RSBN1: variants seen among roughly 807,000 people sequenced by gnomAD.
RSBN1 encodes round spermatid basic protein 1.
RSBN1 carries 23 observed loss-of-function variants against 74.8 expected under a neutral mutation model. The observed-to-expected ratio is 0.31, with a 90% CI of 0.22 to 0.44. The LOEUF is 0.44. Ranked by LOEUF, RSBN1 falls within the 20% of genes least tolerant of loss-of-function variation. The pLI is 1.00. For synonymous variants in RSBN1, 407 were observed against 379.6 expected (o/e 1.07, Z -0.84); for missense variants, 808 against 1,020.9 (o/e 0.79, Z 2.84).
intron 2 of RSBN1, among the ~76,000 whole-genome samples, chr1:113,796,546 G>A (rs1470192513): frequency 6.6e-6 from 1 of 151,850 alleles, no homozygotes; most frequent in Non-Finnish European, 1.5e-5. Context: ...CAAATTACTA[G>A]ACAACCTGAA....
rs1659744546 is a variant in RSBN1, at chr1:113,764,594, CATA to C, written c.*1383_*1385del. 6.9e-6 allele frequency: 1 copy of C among 145,292 alleles called. No homozygotes were observed. Among genetic ancestry groups the C allele is most frequent in the Non-Finnish European group, 1.5e-5 (1 of 66,852 alleles). The allele number at this position is 145,292 out of a possible 1,614,324, so 9.0% of individuals were successfully genotyped here. On this transcript the variant is annotated 3_prime_UTR_variant, in exon 7 of 7. Transcript: ENST00000261441. ...GCAGCTAAGTTTTCATGGTGACAGA[CATA>C]ATAAAGCAGCATCTTGTATTTTTTT...
chr1:113,802,981 A>G (rs1660617187), intron 1 of RSBN1, among the ~76,000 whole-genome samples: 1 of 152,170 alleles, frequency 6.6e-6, no homozygotes, highest in African/African-American at 2.4e-5. Flanking sequence ...CTGTCCTATA[A>G]AATGCTCTGT....
intron 1 of RSBN1, among the ~76,000 whole-genome samples, chr1:113,799,952 T>C (rs1255817895): frequency 1.3e-5 from 2 of 152,162 alleles, no homozygotes; most frequent in Admixed American, 6.5e-5. Flanking sequence ...TCTAACATAA[T>C]TGAAGTAATT....
In RSBN1 at chr1:113,789,344, G is replaced by A. The variant is rs1015034470; in HGVS notation, c.1377+8019C>T. Among the ~76,000 whole-genome samples the A allele has an allele frequency of 1.1e-4, 17 of 152,112 alleles. 1 individual carries two copies. The highest frequency in any genetic ancestry group is 2.9e-5 in the Non-Finnish European group (2 of 68,010). On this transcript the variant is annotated intron_variant, in intron 2 of 6. Coordinates refer to ENST00000261441, the MANE Select transcript of RSBN1 (RefSeq NM_018364.5). ...CAGGAACTCATACATTTGCTGGGAG[G>A]GTGGCATACCCCAACTCTACGGGGA...
At position 113,763,438 on chromosome 1, in the gene RSBN1, T is replaced by C. The variant is rs1659719578; in HGVS notation, c.*2542A>G. ...GACGCCAGATTGCTCCATGCCTCAC[T>C]CCACCAAACCAAATAATTTAATGAT... On this transcript the variant is annotated 3_prime_UTR_variant, in exon 7 of 7. Transcript: ENST00000261441. 1 of 152,610 alleles carries C rather than the reference T, an allele frequency of 6.6e-6. No homozygotes were observed. The highest frequency in any genetic ancestry group is 1.5e-5 in the Non-Finnish European group (1 of 68,014). The allele number at this position is 152,610 out of a possible 1,614,324, so 9.5% of individuals were successfully genotyped here.
intron 2 of RSBN1, among the ~76,000 whole-genome samples, chr1:113,790,091 G>GA (rs985339368): frequency 1.3e-4 from 19 of 150,346 alleles, no homozygotes; most frequent in South Asian, 4.2e-4. Flanking sequence ...TTTATTTAGA[G>GA]AAAAAAAAAG....
rs769735135 is a variant in RSBN1 at position 113,783,291 on chromosome 1, GA to G, written c.1378-5484del. ...CTGGCAAAAAGAAAAAAAAGGGGTG[GA>G]GGGGGAGAAGAAGAACTGCTGATTA... On this transcript the variant is annotated intron_variant, in intron 2 of 6. Transcript: ENST00000261441. Among the ~76,000 whole-genome samples the G allele has an allele frequency of 1.3e-3, 195 of 152,034 alleles. 1 individual carries two copies. Among genetic ancestry groups the G allele is most frequent in the African/African-American group, 4.4e-3 (181 of 41,474 alleles).
chr1:113,812,086 G>A lies in RSBN1; in HGVS notation c.327C>T (p.Leu109=), dbSNP rs1241786740. Residue 109 remains leucine (L), a synonymous_variant, in exon 1 of 7, where the codon CTC becomes CTT. Transcript: ENST00000261441. ...TGCGACGCCGCCGGTGAGGGGGAGC[G>A]AGAGGGGGCTCCTGGCTCGGCCGCC... is the stretch of plus-strand genomic sequence containing the variant. ...KRGRPSQEPP[L]APPHRRRRSR... The A allele has an allele frequency of 1.9e-6, 3 of 1,587,362 alleles. No individual in the cohort carries two copies. The African/African-American group carries it at 4.0e-5, about 21-fold the overall frequency.
At chr1:113,777,391 T>C (rs771705186) in intron 3 of RSBN1, 39 bp from the exon 4 acceptor site, 14 of 1,576,342 alleles carry the variant, frequency 8.9e-6, no homozygotes, top group Non-Finnish European at 1.2e-5. Context: ...AAAAATTGTT[T>C]CAATGATTTA....
At chr1:113,776,986 G>C (rs911030395) in intron 4 of RSBN1, among the ~76,000 whole-genome samples, 1 of 151,962 alleles carries the variant, frequency 6.6e-6, no homozygotes, top group South Asian at 2.1e-4. Context: ...TATCCTGCAG[G>C]CAGTTAGGGC....
Position 113,768,393 on chromosome 1 carries a change from G to C in RSBN1, c.1659-4C>G, listed in dbSNP as rs767099664. 6.3e-7 allele frequency: 1 copy of C among 1,580,722 alleles called. No individual in the cohort carries two copies. Among genetic ancestry groups the C allele is most frequent in the Non-Finnish European group, 8.6e-7 (1 of 1,162,626 alleles). On this transcript the variant is annotated splice_polypyrimidine_tract_variant and splice_region_variant and intron_variant, in intron 4 of 6. Coordinates refer to ENST00000261441, the MANE Select transcript of RSBN1 (RefSeq NM_018364.5). ...ATTTTTTATTTCATTCATTGATCTA[G>C]AGTTGATTTGGTTGTTAAACAAAGG...
At chr1:113,809,176 A>G (rs1371798268) in intron 1 of RSBN1, among the ~76,000 whole-genome samples, 1 of 152,194 alleles carries the variant, frequency 6.6e-6, no homozygotes, top group East Asian at 1.9e-4. Flanking sequence ...GGGACCATGC[A>G]TAATAAAATA....
rs1337170333 is a variant in RSBN1 at position 113,774,611 on chromosome 1, G to A, written c.1658+2599C>T. Among the ~76,000 whole-genome samples, 8 of 151,790 alleles carry A rather than the reference G, an allele frequency of 5.3e-5. No individual in the cohort carries two copies. The East Asian group carries it at 1.4e-3, about 26-fold the overall frequency. On this transcript the variant is annotated intron_variant, in intron 4 of 6. Coordinates refer to ENST00000261441, the MANE Select transcript of RSBN1 (RefSeq NM_018364.5). ...AGAATGGTGTGAACCCGGGAGGAGG[G>A]GCTTGCAGTGAGCCGAGATCGCACC...
chr1:113,797,401 C>T lies in RSBN1; in HGVS notation c.1339G>A (p.Asp447Asn). 1.2e-6 allele frequency: 2 copies of T among 1,610,528 alleles called. No homozygotes were observed. Among genetic ancestry groups the T allele is most frequent in the Non-Finnish European group, 8.5e-7 (1 of 1,179,002 alleles). Residue 447 changes from aspartate to asparagine, a missense_variant, in exon 2 of 7, where the codon GAT becomes AAT. By Grantham distance (23) the Asp-to-Asn change is conservative. Around this residue, in one of 6 missense-constraint regions of RSBN1, gnomAD observed 112 missense variants for 257.3 expected, o/e 0.44. Coordinates refer to ENST00000261441, the MANE Select transcript of RSBN1 (RefSeq NM_018364.5). Reference sequence around the variant, plus strand: ...TTTGAAATGGTGGTTGTTTCAATATCTTTCTTGCCCAGAATTTCCATTTTC... The same window carrying T: ...TTTGAAATGGTGGTTGTTTCAATATTTTTCTTGCCCAGAATTTCCATTTTC... Reference protein sequence around the residue: ...PVKMEILGKKDIETTTISNFH... With the variant: ...PVKMEILGKKNIETTTISNFH...
At chr1:113,784,875 G>A (rs1660207836) in intron 2 of RSBN1, among the ~76,000 whole-genome samples, 1 of 152,206 alleles carries the variant, frequency 6.6e-6, no homozygotes, top group African/African-American at 2.4e-5. Context: ...GTGAGTGAAT[G>A]TGAAGGCCTA....
rs946078474 is a variant in RSBN1 at position 113,765,509 on chromosome 1, T to G, written c.*471A>C. 6.4e-6 allele frequency: 1 copy of G among 155,814 alleles called. No homozygotes were observed. Among genetic ancestry groups the G allele is most frequent in the African/African-American group, 2.4e-5 (1 of 41,474 alleles). The allele number at this position is 155,814 out of a possible 1,614,324, so 9.7% of individuals were successfully genotyped here. On this transcript the variant is annotated 3_prime_UTR_variant, in exon 7 of 7. Transcript: ENST00000261441. The stretch of plus-strand genomic sequence containing the variant: ...ATAACTTACTTGCCCATGTACCAGA[T>G]GCAGAAATTCTTTCCTGCAACCTAT...
chr1:113,795,577 T>G (rs1660454533), intron 2 of RSBN1, among the ~76,000 whole-genome samples: 1 of 152,234 alleles, frequency 6.6e-6, no homozygotes, highest in South Asian at 2.1e-4. Flanking sequence ...AGCACAGGAC[T>G]CATTCAACAG....
intron 1 of RSBN1, among the ~76,000 whole-genome samples, chr1:113,799,356 A>G (rs1390822720): frequency 1.3e-5 from 2 of 152,078 alleles, no homozygotes; most frequent in Non-Finnish European, 2.9e-5. Flanking sequence ...CTTGGGTCTT[A>G]TGATCTAATT....
chr1:113,803,383 C>A (rs145497398), intron 1 of RSBN1, among the ~76,000 whole-genome samples: 39 of 152,274 alleles, frequency 2.6e-4, no homozygotes, highest in African/African-American at 8.2e-4. Context: ...ACTGCTGGAT[C>A]GTATAGTATG....
Sources: gnomAD v4.1 joint callset for allele counts (sites outside exome capture counted in the v4.1 genomes callset) on GRCh38, gnomAD v4.1.1 for gene constraint, gnomAD v4.1.1 regional missense constraint, MANE v1.5 for transcripts, NCBI Gene and HGNC (gene_info 2026-07-23, HGNC 2026-07-21) for gene names.